Variants in CELF2 observed in about 807,000 individuals in gnomAD.
The protein encoded by CELF2 is CUGBP Elav-like family member 2, also known as CUG triplet repeat RNA-binding protein 2.
CELF2 carries 8 observed loss-of-function variants against 62.6 expected under a neutral mutation model. The observed-to-expected ratio is 0.13, with a 90% CI of 0.07 to 0.23. The LOEUF is 0.23. Ranked by LOEUF, CELF2 falls within the 10% of genes least tolerant of loss-of-function variation. The pLI is 1.00. For synonymous variants in CELF2, 258 were observed against 250.0 expected, an observed-to-expected ratio of 1.03 and a Z score of -0.30; for missense variants, 333 against 671.0, an observed-to-expected ratio of 0.50 and a Z score of 5.56.
the CELF2 span, among the ~76,000 whole-genome samples, chr10:10,669,899 CTTTTTTT>C: frequency 1.2e-5 from 1 of 84,212 alleles, no homozygotes; most frequent in Non-Finnish European, 2.3e-5. Context: ...TCTTATATGC[CTTTTTTT>C]TTTTTTTTTT....
chr10:11,193,138 C>T (rs991403247), intron 2 of CELF2, among the ~76,000 whole-genome samples: 2 of 152,176 alleles, frequency 1.3e-5, no homozygotes, highest in African/African-American at 4.8e-5. Context: ...TTCAGCCTCG[C>T]GTGGGGCTTC....
rs576721564 is a variant in CELF2 at position 11,181,747 on chromosome 10, G to T, written c.271+16065G>T. The stretch of plus-strand genomic sequence containing the variant: ...AGTGTCTTGCCTTGGGGCTGTTTTA[G>T]TCCATTGGTATACATTATAGGACCT... On this transcript the variant is annotated intron_variant, in intron 2 of 12. Transcript: ENST00000633077. Among the ~76,000 whole-genome samples, 50 of 152,346 alleles carry T rather than the reference G, an allele frequency of 3.3e-4. 1 individual carries two copies. The Middle Eastern group carries it at 0.01, about 31-fold the overall frequency.
At chr10:10,729,697 T>G in the CELF2 span, among the ~76,000 whole-genome samples, 8 of 151,842 alleles carry the variant, frequency 5.3e-5, no homozygotes, top group Admixed American at 5.3e-4. Flanking sequence ...AAGAATTGCT[T>G]GAACCTGGGA....
the CELF2 span, among the ~76,000 whole-genome samples, chr10:10,690,730 A>G: frequency 2.0e-5 from 3 of 152,060 alleles, no homozygotes; most frequent in Non-Finnish European, 4.4e-5. Context: ...AAATACAAAA[A>G]TTAGCCTGGC....
chr10:11,006,851 C>T (rs1395775538), intron 1 of CELF2, among the ~76,000 whole-genome samples: 1 of 152,196 alleles, frequency 6.6e-6, no homozygotes, highest in Non-Finnish European at 1.5e-5. Context: ...AAACATTTCT[C>T]ACATCTTCAA....
At chr10:10,540,327 A>G in the CELF2 span, among the ~76,000 whole-genome samples, 1 of 152,132 alleles carries the variant, frequency 6.6e-6, no homozygotes, top group African/African-American at 2.4e-5. Context: ...TAGCACCCTC[A>G]TTACCCTTAT....
chr10:10,691,987 T>G, the CELF2 span, among the ~76,000 whole-genome samples: 1 of 151,962 alleles, frequency 6.6e-6, no homozygotes, highest in African/African-American at 2.4e-5. Flanking sequence ...AGTTCCTTTT[T>G]GCTGTGCAGA....
intron 1 of CELF2, among the ~76,000 whole-genome samples, chr10:11,148,107 T>C (rs1248159582): frequency 6.6e-6 from 1 of 152,264 alleles, no homozygotes; most frequent in African/African-American, 2.4e-5. Flanking sequence ...AGAACGTGGC[T>C]TGATAAGGAA....
rs1235262852 is a variant in CELF2 at position 11,311,086 on chromosome 10, C to G, written c.977-3053C>G. ...TATCTAATAGGAGACCCTCCCCATA[C>G]GAGCCTGAAACCTCAAAAGGCTAAA... On this transcript the variant is annotated intron_variant, in intron 9 of 12. Coordinates refer to ENST00000633077, the MANE Select transcript of CELF2 (RefSeq NM_001326342.2). The surrounding 1 kb of genome is among the most constrained non-coding windows in gnomAD (Gnocchi z 4.7). Among the ~76,000 whole-genome samples the G allele has an allele frequency of 6.6e-6, 1 of 152,112 alleles. No individual in the cohort carries two copies. The highest frequency in any genetic ancestry group is 1.5e-5 in the Non-Finnish European group (1 of 68,026).
intron 1 of CELF2, among the ~76,000 whole-genome samples, chr10:10,836,214 G>C (rs2058274392): frequency 6.6e-6 from 1 of 152,094 alleles, no homozygotes; most frequent in South Asian, 2.1e-4. Context: ...CATAAGAAAA[G>C]AAAAGGAGAA....
chr10:11,158,781 A>G (rs989243372), intron 1 of CELF2, among the ~76,000 whole-genome samples: 1 of 152,204 alleles, frequency 6.6e-6, no homozygotes. Flanking sequence ...CAAGCATTTG[A>G]GACCCCCAAC....
At chr10:11,173,983 T>C (rs2759642) in intron 2 of CELF2, among the ~76,000 whole-genome samples, 44,741 of 152,062 alleles carry the variant, frequency 0.29, 6,919 homozygotes, top group African/African-American at 0.37. Context: ...GAATTGAAGA[T>C]GTTCCGACCC....
At chr10:10,986,739 C>T (rs930197751) in intron 2 of CELF2, among the ~76,000 whole-genome samples, 3 of 152,202 alleles carry the variant, frequency 2.0e-5, no homozygotes, top group Non-Finnish European at 4.4e-5. Context: ...TTCCACCAAT[C>T]CCTCTACAGG....
chr10:11,197,028 A>AGGAAGGAAG (rs2057913830), intron 2 of CELF2, among the ~76,000 whole-genome samples: 5 of 20,962 alleles, frequency 2.4e-4, no homozygotes, highest in African/African-American at 1.9e-3. Context: ...AAGAAAGAAA[A>AGGAAGGAAG]GAAAGAAAGA....
chr10:11,118,769 G>A (rs749161629), intron 1 of CELF2, among the ~76,000 whole-genome samples: 10 of 152,218 alleles, frequency 6.6e-5, no homozygotes, highest in African/African-American at 1.4e-4. Context: ...TCAAAAGCCT[G>A]TAGTGTTATT....
intron 1 of CELF2, among the ~76,000 whole-genome samples, chr10:10,813,666 G>T (rs1207830021): frequency 2.0e-5 from 3 of 152,168 alleles, no homozygotes; most frequent in Non-Finnish European, 4.4e-5. Flanking sequence ...AAAGCACATG[G>T]TCTCTATTTA....
intron 2 of CELF2, among the ~76,000 whole-genome samples, chr10:11,174,777 G>T (rs1343123558): frequency 6.6e-6 from 1 of 152,166 alleles, no homozygotes; most frequent in Non-Finnish European, 1.5e-5. Flanking sequence ...CTAAGTTCAT[G>T]AATTGCTGCT....
At chr10:11,222,815 T>C (rs572516857) in intron 3 of CELF2, among the ~76,000 whole-genome samples, 2 of 152,376 alleles carry the variant, frequency 1.3e-5, no homozygotes, top group Non-Finnish European at 2.9e-5. Flanking sequence ...TAAAAATATT[T>C]CAAATGTTCC....
At chr10:10,901,668 T>C (rs78181687) in intron 1 of CELF2, among the ~76,000 whole-genome samples, 1 of 139,376 alleles carries the variant, frequency 7.2e-6, no homozygotes, top group Non-Finnish European at 1.5e-5. Context: ...TTCACTAAAG[T>C]TTTTTTAAAA....
Sources: allele counts gnomAD v4.1 joint callset (sites outside exome capture counted in the v4.1 genomes callset), GRCh38; gene constraint gnomAD v4.1.1; non-coding constraint Gnocchi (gnomAD v3.1); transcripts MANE v1.5; gene names NCBI Gene and HGNC (gene_info 2026-07-23, HGNC 2026-07-21).